TTC6: variants seen among roughly 807,000 people sequenced by gnomAD.
TTC6 encodes tetratricopeptide repeat protein 6.
In TTC6, 172 loss-of-function variants were observed where a neutral mutation model predicts 210.4. The ratio of observed to expected loss-of-function variants is 0.82; its 90% CI spans 0.72 to 0.93. The LOEUF is 0.93. Among genes scored for constraint, TTC6 ranks in the 40% least tolerant of loss-of-function variants. TTC6 has a pLI of 0.00. For synonymous variants in TTC6, 804 were observed against 819.6 expected, an observed-to-expected ratio of 0.98 and a Z score of 0.32; for missense variants, 2,414 against 2,318.1, an observed-to-expected ratio of 1.04 and a Z score of -0.85.
chr14:37,628,603 TA>T (rs1418553634), intron 1 of TTC6, among the ~76,000 whole-genome samples: 1 of 152,210 alleles, frequency 6.6e-6, no homozygotes, highest in East Asian at 1.9e-4. Flanking sequence ...AGAAGCTTTT[TA>T]GTTTAATTAG....
At position 37,622,297 on chromosome 14, in the gene TTC6, C is replaced by A. The variant is rs541769436; in HGVS notation, c.233C>A (p.Ser78Ter). The change falls in exon 1 of 31, where the codon TCG becomes TAG. Residue 78 changes from serine to a stop codon, truncating the protein, a stop_gained. Transcript: ENST00000553443. LOFTEE classifies it high-confidence loss of function. Reference sequence around the variant, plus strand: ...GCCCGGACGTCGAGAAGATACCCTTCGCTTAAAGGCCCTGCGATGTCCGCG... The same window carrying A: ...GCCCGGACGTCGAGAAGATACCCTTAGCTTAAAGGCCCTGCGATGTCCGCG... 6.5e-7 allele frequency: 1 copy of A among 1,534,776 alleles called. No individual in the cohort carries two copies. The highest frequency in any genetic ancestry group is 1.4e-5 in the African/African-American group (1 of 73,026).
At chr14:37,770,585 G>C (rs1208464253) in intron 14 of TTC6, among the ~76,000 whole-genome samples, 3 of 151,798 alleles carry the variant, frequency 2.0e-5, no homozygotes, top group Non-Finnish European at 4.4e-5. Flanking sequence ...TTTGATCTTT[G>C]TTGGTTTAAA....
chr14:37,749,103 C>T (rs1048221427), exon 11 of TTC6: 2 of 1,535,590 alleles, frequency 1.3e-6, no homozygotes, highest in Admixed American at 3.9e-5. Context: ...CGGACATGGG[C>T]TCTTGATAGG....
chr14:37,748,764 A>AT (rs2095943331), intron 10 of TTC6, among the ~76,000 whole-genome samples, 175 bp from the exon 13 acceptor site: 1 of 152,144 alleles, frequency 6.6e-6, no homozygotes, highest in African/African-American at 2.4e-5. Flanking sequence ...CTTGAGGGAG[A>AT]TTCTTCATAC....
chr14:37,616,004 C>T (rs922369625), intron 2 of TTC6, among the ~76,000 whole-genome samples: 4 of 152,172 alleles, frequency 2.6e-5, no homozygotes, highest in African/African-American at 9.7e-5. Flanking sequence ...TCTGTCATAT[C>T]CTTTCTGAAG....
intron 29 of TTC6, among the ~76,000 whole-genome samples, chr14:37,840,960 C>A (rs2139060209): frequency 6.6e-6 from 1 of 151,626 alleles, no homozygotes; most frequent in Middle Eastern, 3.4e-3. Flanking sequence ...CTTCTGCCTC[C>A]CAGGTTCAAG....
chr14:37,707,236 G>A (rs1050656280), intron 5 of TTC6, among the ~76,000 whole-genome samples: 3 of 151,838 alleles, frequency 2.0e-5, no homozygotes, highest in African/African-American at 4.8e-5. Context: ...GTTTGAGAGT[G>A]GATTGCTTTC....
At chr14:37,642,400 A>C (rs935280419) in intron 1 of TTC6, among the ~76,000 whole-genome samples, 1 of 152,220 alleles carries the variant, frequency 6.6e-6, no homozygotes, top group Non-Finnish European at 1.5e-5. Flanking sequence ...TTATATGGTC[A>C]CTAACCAGTT....
chr14:37,770,521 C>G (rs1352603630), intron 14 of TTC6, among the ~76,000 whole-genome samples: 1 of 151,840 alleles, frequency 6.6e-6, no homozygotes, highest in Non-Finnish European at 1.5e-5. Context: ...GGATAGTTAG[C>G]TCTTCTTGTT....
At chr14:37,811,473 A>G (rs2096129416) in intron 24 of TTC6, among the ~76,000 whole-genome samples, 1 of 152,204 alleles carries the variant, frequency 6.6e-6, no homozygotes, top group South Asian at 2.1e-4. Context: ...TGTCATTTTC[A>G]GTTGGCAGAT....
chr14:37,838,786 C>T (rs7157544), intron 29 of TTC6, among the ~76,000 whole-genome samples: 113,320 of 152,066 alleles, frequency 0.75, 46,984 homozygotes, highest in South Asian at 0.91. Flanking sequence ...CACCCATCGA[C>T]GCATCATTTA....
chr14:37,702,332 C>CT, intron 5 of TTC6, among the ~76,000 whole-genome samples: 1 of 152,122 alleles, frequency 6.6e-6, no homozygotes, highest in Non-Finnish European at 1.5e-5. Flanking sequence ...AATTTTAAGG[C>CT]TTTTTTTCTT....
At chr14:37,622,652 G>C in exon 1 of TTC6, 1 of 1,535,152 alleles carries the variant, frequency 6.5e-7, no homozygotes, top group Non-Finnish European at 8.7e-7. Flanking sequence ...CTCTCGCAGG[G>C]CCCTGCATGG....
At chr14:37,671,310 T>G (rs546122140) in intron 1 of TTC6, among the ~76,000 whole-genome samples, 25 of 152,288 alleles carry the variant, frequency 1.6e-4, no homozygotes, top group African/African-American at 6.0e-4. Context: ...TGCCATATTT[T>G]TTTTGAAATA....
In TTC6 at chr14:37,730,021, A is replaced by C. The variant is rs115399346; in HGVS notation, c.1818+5019A>C. Among the ~76,000 whole-genome samples the C allele has an allele frequency of 2.7e-3, 407 of 152,244 alleles. 1 individual carries two copies. Among genetic ancestry groups the C allele is most frequent in the African/African-American group, 9.5e-3 (396 of 41,550 alleles). ...CAGTACTGGTGGTTGTCCACTCCCAATGACCAGGAGAGAAAGGATCCAACA... is the reference window on the plus strand; with the variant it reads ...CAGTACTGGTGGTTGTCCACTCCCACTGACCAGGAGAGAAAGGATCCAACA... On this transcript the variant is annotated intron_variant, in intron 7 of 30. Transcript: ENST00000553443.
chr14:37,621,195 A>G (rs2095650476), upstream of TTC6, among the ~76,000 whole-genome samples: 1 of 152,224 alleles, frequency 6.6e-6, no homozygotes, highest in African/African-American at 2.4e-5. Flanking sequence ...TCTAGCCACA[A>G]GAACTGGGAT....
intron 1 of TTC6, among the ~76,000 whole-genome samples, chr14:37,662,319 A>C (rs769493641): frequency 2.0e-5 from 3 of 152,130 alleles, no homozygotes; most frequent in African/African-American, 7.2e-5. Flanking sequence ...ATTTTGAGAT[A>C]TGTTCCTTCA....
intron 25 of TTC6, among the ~76,000 whole-genome samples, chr14:37,813,944 A>G (rs2096135571): frequency 6.6e-6 from 1 of 152,254 alleles, no homozygotes; most frequent in South Asian, 2.1e-4. Flanking sequence ...CTCAGGTTTC[A>G]GAACTGAATC....
chr14:37,792,065 A>G lies in TTC6; in HGVS notation c.3558-199A>G, dbSNP rs564413574. Among the ~76,000 whole-genome samples, 3 of 152,308 alleles carry G rather than the reference A, an allele frequency of 2.0e-5. No homozygotes were observed. In the East Asian group the frequency reaches 5.8e-4, roughly 29 times the overall value. On this transcript the variant is annotated intron_variant, in intron 16 of 30. Transcript: ENST00000553443. ...CCTAGCGCAGACCTTAAAAACATTA[A>G]TTCCTTACTAAGGGTTTCATAAAGG...
Sources: gnomAD v4.1 joint callset for allele counts (sites outside exome capture counted in the v4.1 genomes callset) on GRCh38, gnomAD v4.1.1 for gene constraint, MANE v1.5 for transcripts, NCBI Gene and HGNC (gene_info 2026-07-23, HGNC 2026-07-21) for gene names.